The following GPAM variants were observed in gnomAD, a reference collection of about 807,000 sequenced individuals.
GPAM encodes glycerol-3-phosphate acyltransferase 1, mitochondrial.
A neutral mutation model predicts 105.0 loss-of-function variants in GPAM; 56 were observed. That is an observed-to-expected ratio of 0.53 (90% confidence interval 0.43 to 0.67). The LOEUF is 0.67. Ranked by LOEUF, GPAM falls within the 30% of genes least tolerant of loss-of-function variation. GPAM has a pLI of 0.00. For synonymous variants in GPAM, 368 were observed against 354.4 expected (o/e 1.04, Z -0.43); for missense variants, 855 against 989.8 (o/e 0.86, Z 1.83).
At chr10:112,164,486 G>A in intron 13 of GPAM, 39 bp downstream of exon 13, 1 of 989,028 alleles carries the variant, frequency 1.0e-6, no homozygotes, top group Non-Finnish European at 1.6e-6. Context: ...ACAGATGTTT[G>A]GTAGCTTGAT....
intron 14 of GPAM, among the ~76,000 whole-genome samples, chr10:112,161,964 G>A (rs1847132399): frequency 6.6e-6 from 1 of 152,150 alleles, no homozygotes; most frequent in South Asian, 2.1e-4. Flanking sequence ...AAGTAAGACA[G>A]GTCCAACTTC....
chr10:112,200,165 GAAATATATATATATAT>G (rs1185477327), intron 1 of GPAM, among the ~76,000 whole-genome samples: 36 of 42,684 alleles, frequency 8.4e-4, no homozygotes, highest in African/African-American at 2.4e-3. Context: ...CATTGTAAAG[GAAATATATATATATAT>G]ATATATATAT....
chr10:112,163,616 T>A, intron 14 of GPAM, 85 bp downstream of exon 14: 1 of 752,708 alleles, frequency 1.3e-6, no homozygotes, highest in East Asian at 2.6e-5. Context: ...GAAACTAACC[T>A]CAGCAGATTC....
Position 112,190,229 on chromosome 10 carries a change from T to C in GPAM, n.211-7338A>G, listed in dbSNP as rs1375402083. Reference sequence around the variant, plus strand: ...AAATAGTCCCTACCAGTGTATCGCATGCTGAGGGGTGGCAGTGAAGGTGAC... The same window carrying C: ...AAATAGTCCCTACCAGTGTATCGCACGCTGAGGGGTGGCAGTGAAGGTGAC... On this transcript the variant is annotated intron_variant and non_coding_transcript_variant, in intron 1 of 3. Coordinates refer to the GPAM transcript ENST00000480130. Among the ~76,000 whole-genome samples the C allele has an allele frequency of 4.6e-5, 7 of 152,104 alleles. No homozygotes were observed. The South Asian group carries it at 6.2e-4, about 13-fold the overall frequency.
At chr10:112,204,680 T>C (rs1207711746) in intron 1 of GPAM, among the ~76,000 whole-genome samples, 1 of 151,738 alleles carries the variant, frequency 6.6e-6, no homozygotes, top group African/African-American at 2.4e-5. Context: ...CAACAGATCA[T>C]AGTAGACATG....
chr10:112,163,556 A>G, intron 14 of GPAM, 145 bp downstream of exon 14: 1 of 664,590 alleles, frequency 1.5e-6, no homozygotes, highest in Non-Finnish European at 2.7e-6. Context: ...TCACGGTATC[A>G]CCTTCTTTCT....
At chr10:112,221,346 G>A in the GPAM span, among the ~76,000 whole-genome samples, 1 of 152,146 alleles carries the variant, frequency 6.6e-6, no homozygotes, top group Non-Finnish European at 1.5e-5. Flanking sequence ...CCTCCAGATG[G>A]CTGTGGGTTT....
the GPAM span, among the ~76,000 whole-genome samples, chr10:112,227,592 C>G: frequency 6.6e-6 from 1 of 152,186 alleles, no homozygotes; most frequent in African/African-American, 2.4e-5. Context: ...TGGTTCCCAT[C>G]CCTGAAGAAG....
chr10:112,199,362 A>G (rs901389731), intron 1 of GPAM, among the ~76,000 whole-genome samples: 1 of 152,160 alleles, frequency 6.6e-6, no homozygotes, highest in Non-Finnish European at 1.5e-5. Context: ...TCAAAGAAGC[A>G]GAGAGTAGAA....
chr10:112,151,335 T>C lies in GPAM; in HGVS notation c.*2215A>G, dbSNP rs1287807327. 1.0e-6 allele frequency: 1 copy of C among 985,754 alleles called. No individual in the cohort carries two copies. Among genetic ancestry groups the C allele is most frequent in the Non-Finnish European group, 1.2e-6 (1 of 829,930 alleles). The allele number at this position is 985,754 out of a possible 1,614,324, so 61.1% of individuals were successfully genotyped here. A position where few individuals can be genotyped will look rare whatever the true frequency, so the allele number is the denominator to read the frequency against. On this transcript the variant is annotated 3_prime_UTR_variant, in exon 22 of 22. Coordinates refer to ENST00000348367, the MANE Select transcript of GPAM (RefSeq NM_001244949.2). ...TGAAGATGCTTTCGTTTTTTTGTTT[T>C]TTGTTTTCAGTCATGAGGCACTGAA... is the stretch of plus-strand genomic sequence containing the variant.
In GPAM at chr10:112,160,754, T is replaced by C; in HGVS notation, c.1609A>G (p.Ile537Val). 1.2e-6 allele frequency: 2 copies of C among 1,614,124 alleles called. No homozygotes were observed. The highest frequency in any genetic ancestry group is 1.3e-5 in the African/African-American group (1 of 75,046). ...GTGACACAATTTCCCAGCAGCTGTA[T>C]GGCATGCATTACTACATCTTCTGAA... ...GNSEDVVMHA[I>V]QLLGNCVTIT... Residue 537 changes from isoleucine to valine, a missense_variant, in exon 16 of 22, where the codon ATA becomes GTA. Physicochemically the swap from Ile to Val is conservative, Grantham distance 29 (BLOSUM62 3). Transcript: ENST00000348367.
intron 1 of GPAM, among the ~76,000 whole-genome samples, chr10:112,207,046 A>C (rs892018989): frequency 1.3e-5 from 2 of 152,186 alleles, no homozygotes; most frequent in Non-Finnish European, 2.9e-5. Context: ...ACAACTCTTA[A>C]TGTGGTTTCT....
chr10:112,163,837 C>G (rs10736219), intron 13 of GPAM, 21 bp from the exon 14 acceptor site: 693,213 of 1,178,768 alleles, frequency 0.59, 203,625 homozygotes, highest in South Asian at 0.62. Context: ...TTTCAAAAAT[C>G]AACACACAAC....
At chr10:112,178,292 G>A (rs545756895) in intron 4 of GPAM, among the ~76,000 whole-genome samples, 24 of 152,216 alleles carry the variant, frequency 1.6e-4, no homozygotes, top group Admixed American at 9.8e-4. Context: ...GCTCACACCC[G>A]TAATCTCAGC....
upstream of GPAM, among the ~76,000 whole-genome samples, chr10:112,216,388 T>C (rs1316013168): frequency 1.3e-5 from 2 of 152,164 alleles, no homozygotes; most frequent in African/African-American, 4.8e-5. Flanking sequence ...AAAGAAGTCC[T>C]TAGTGCAGTG....
intron 1 of GPAM, among the ~76,000 whole-genome samples, chr10:112,195,327 C>T (rs1277655068): frequency 6.6e-6 from 1 of 152,208 alleles, no homozygotes; most frequent in Non-Finnish European, 1.5e-5. Context: ...AAATACCTAG[C>T]TCAGTCCGCC....
At chr10:112,177,785 G>A (rs560518656) in intron 5 of GPAM, among the ~76,000 whole-genome samples, 199 bp downstream of exon 5, 1 of 152,242 alleles carries the variant, frequency 6.6e-6, no homozygotes, top group South Asian at 2.1e-4. Flanking sequence ...GAAATTATCT[G>A]TAAGTACACA....
chr10:112,194,976 C>T (rs537476023), intron 1 of GPAM, among the ~76,000 whole-genome samples: 2 of 152,178 alleles, frequency 1.3e-5, no homozygotes, highest in Admixed American at 1.3e-4. Flanking sequence ...TTATCTCCCT[C>T]TCCACCTGCA....
At chr10:112,175,843 CA>C (rs1847394353) in intron 5 of GPAM, 130 bp from the exon 6 acceptor site, 1 of 668,120 alleles carries the variant, frequency 1.5e-6, no homozygotes. Context: ...GGTTCTCCTA[CA>C]GCAAATTCTC....
Sources: gnomAD v4.1 joint callset for allele counts (sites outside exome capture counted in the v4.1 genomes callset) on GRCh38, gnomAD v4.1.1 for gene constraint, MANE v1.5 for transcripts, NCBI Gene and HGNC (gene_info 2026-07-23, HGNC 2026-07-21) for gene names.